Variants in ZNF782 observed in about 807,000 individuals in gnomAD.
ZNF782 encodes zinc finger protein 782.
In ZNF782, 12 loss-of-function variants were observed where a neutral mutation model predicts 13.0. That is an observed-to-expected ratio of 0.92 (90% CI 0.59 to 1.50). The LOEUF is 1.50. ZNF782 is among the 40% of genes most tolerant of loss of function. The probability of loss-of-function intolerance (pLI) is 0.00; values close to 1 mark genes in which losing one functional copy is unlikely to be tolerated. For missense variants in ZNF782, 770 were observed against 822.9 expected (o/e 0.94, Z 0.79); for synonymous variants, 284 against 283.0 (o/e 1.00, Z -0.04).
chr9:96,910,828 G>T, the ZNF782 span, among the ~76,000 whole-genome samples: 1 of 149,232 alleles, frequency 6.7e-6, no homozygotes, highest in Non-Finnish European at 1.5e-5. Flanking sequence ...AGCAGAGATG[G>T]GGTTTCACAG....
At chr9:96,878,658 T>C (rs926397527), upstream of ZNF782, among the ~76,000 whole-genome samples, 2 of 152,252 alleles carry the variant, frequency 1.3e-5, no homozygotes, top group Non-Finnish European at 2.9e-5. Flanking sequence ...TTAACTACAT[T>C]GTAGGGAATA....
chr9:96,877,294 A>G (rs1654478011), upstream of ZNF782, among the ~76,000 whole-genome samples: 5 of 152,188 alleles, frequency 3.3e-5, no homozygotes, highest in African/African-American at 1.2e-4. Flanking sequence ...CTTCCCAGCA[A>G]CTTTCCTGGG....
chr9:96,902,367 T>C, the ZNF782 span, among the ~76,000 whole-genome samples: 2 of 127,736 alleles, frequency 1.6e-5, no homozygotes. Flanking sequence ...GAAGTTGCAG[T>C]GAGCTGAGAT....
At chr9:96,920,330 G>A in the ZNF782 span, among the ~76,000 whole-genome samples, 48 of 147,390 alleles carry the variant, frequency 3.3e-4, no homozygotes, top group African/African-American at 9.0e-4. Flanking sequence ...GCAGGGGCAC[G>A]ATCTCTGCTC....
chr9:96,899,223 C>T, the ZNF782 span, among the ~76,000 whole-genome samples: 30 of 151,498 alleles, frequency 2.0e-4, no homozygotes, highest in Admixed American at 7.9e-4. Context: ...TGCACTCAAG[C>T]CTAGGTGACA....
chr9:96,896,631 T>G, the ZNF782 span, among the ~76,000 whole-genome samples: 1 of 152,240 alleles, frequency 6.6e-6, no homozygotes, highest in Non-Finnish European at 1.5e-5. Context: ...CTTTGGATTT[T>G]AGAGGCAACA....
the ZNF782 span, among the ~76,000 whole-genome samples, chr9:96,881,944 C>T: frequency 1.3e-5 from 2 of 151,614 alleles, no homozygotes; most frequent in East Asian, 3.9e-4. Context: ...TGTTAATTTA[C>T]ACAAGAGCTT....
chr9:96,842,879 T>G (rs1222256217), intron 4 of ZNF782, among the ~76,000 whole-genome samples: 1 of 151,996 alleles, frequency 6.6e-6, no homozygotes, highest in East Asian at 1.9e-4. Context: ...AATTAAAAAA[T>G]GGACAAAAGC....
chr9:96,917,887 C>CGTGTGT, the ZNF782 span, among the ~76,000 whole-genome samples: 2,843 of 121,662 alleles, frequency 0.023, 100 homozygotes, highest in African/African-American at 0.042. Flanking sequence ...CCACCCTTGG[C>CGTGTGT]GTGTGTGTGT....
At chr9:96,876,943 CAAAAAAAAAAAAAAA>C (rs398011569), upstream of ZNF782, among the ~76,000 whole-genome samples, 521 of 42,852 alleles carry the variant, frequency 0.012, 5 homozygotes, top group African/African-American at 0.042. Context: ...AACTCCGACT[CAAAAAAAAAAAAAAA>C]AAAAAAAAAA....
the ZNF782 span, chr9:96,928,541 A>C: frequency 5.4e-6 from 1 of 186,516 alleles, no homozygotes; most frequent in Admixed American, 8.0e-5. Flanking sequence ...TTGTTAAGTA[A>C]GTGTGGCCCC....
chr9:96,882,408 G>A, the ZNF782 span, among the ~76,000 whole-genome samples: 1 of 152,120 alleles, frequency 6.6e-6, no homozygotes, highest in Non-Finnish European at 1.5e-5. Flanking sequence ...TTCCTTTTAA[G>A]TTTGAGCACC....
chr9:96,848,593 C>CA lies in ZNF782; in HGVS notation c.15+3353dup, dbSNP rs552256257. ...AAAAACAAAATAACACCACCACCAC[C>CA]AAAAAAACAACCTAATAATATACTT... is the stretch of plus-strand genomic sequence containing the variant. On this transcript the variant is annotated intron_variant, in intron 3 of 5. Transcript: ENST00000481138. Among the ~76,000 whole-genome samples, 473 of 151,844 alleles carry CA rather than the reference C, an allele frequency of 3.1e-3. 2 individuals are homozygous for CA. The highest frequency in any genetic ancestry group is 5.4e-3 in the Non-Finnish European group (369 of 67,872).
the ZNF782 span, among the ~76,000 whole-genome samples, chr9:96,916,621 AG>A: frequency 1.3e-5 from 2 of 152,222 alleles, no homozygotes; most frequent in African/African-American, 4.8e-5. Flanking sequence ...TCTTCCTCCA[AG>A]GGCTGGTCCC....
chr9:96,841,269 A>G (rs1156278850), intron 4 of ZNF782, among the ~76,000 whole-genome samples: 1 of 151,998 alleles, frequency 6.6e-6, no homozygotes, highest in East Asian at 1.9e-4. Context: ...CCCAAAAAGA[A>G]GTCTCTAGGC....
At chr9:96,909,981 G>A in the ZNF782 span, 27 of 476,666 alleles carry the variant, frequency 5.7e-5, 1 homozygote, top group Non-Finnish European at 8.8e-5. Flanking sequence ...CGCCGCGGCT[G>A]CCTCCACCGC....
At chr9:96,844,791 G>A in intron 4 of ZNF782, 99 bp downstream of exon 4, 4 of 1,547,752 alleles carry the variant, frequency 2.6e-6, no homozygotes, top group Non-Finnish European at 3.6e-6. Flanking sequence ...AACCAGAATT[G>A]CACTGTAGAG....
At chr9:96,881,375 T>C in the ZNF782 span, among the ~76,000 whole-genome samples, 200 of 152,222 alleles carry the variant, frequency 1.3e-3, no homozygotes, top group Non-Finnish European at 2.3e-3. Flanking sequence ...ACTTTTCCTT[T>C]TCTAATATAA....
intron 4 of ZNF782, among the ~76,000 whole-genome samples, chr9:96,835,887 C>T (rs965467496): frequency 2.0e-5 from 3 of 152,228 alleles, no homozygotes; most frequent in Non-Finnish European, 2.9e-5. Flanking sequence ...AGAGTCTCCA[C>T]TAAGGCAATG....
Sources: allele counts gnomAD v4.1 joint callset (sites outside exome capture counted in the v4.1 genomes callset), GRCh38; gene constraint gnomAD v4.1.1; transcripts MANE v1.5; gene names NCBI Gene and HGNC (gene_info 2026-07-23, HGNC 2026-07-21).